The following RBFOX1 variants were observed in gnomAD, a reference collection of about 807,000 sequenced individuals.
RBFOX1 encodes the protein RNA binding protein fox-1 homolog 1.
In RBFOX1, 8 loss-of-function variants were observed where a neutral mutation model predicts 57.7. The ratio of observed to expected loss-of-function variants is 0.14; its 90% CI spans 0.08 to 0.25. The LOEUF (loss-of-function observed/expected upper bound fraction) is 0.25, where lower values mean the gene tolerates loss of function less well. Among genes scored for constraint, RBFOX1 ranks in the 10% least tolerant of loss-of-function variants. The pLI, the probability that RBFOX1 is intolerant of heterozygous loss-of-function variation, is 1.00. For synonymous variants in RBFOX1, 326 were observed against 222.4 expected, an observed-to-expected ratio of 1.47 and a Z score of -4.15; for missense variants, 611 against 548.5, an observed-to-expected ratio of 1.11 and a Z score of -1.14.
chr16:7,387,802 C>G (rs112058348), intron 4 of RBFOX1, among the ~76,000 whole-genome samples: 8 of 152,092 alleles, frequency 5.3e-5, no homozygotes, highest in African/African-American at 1.7e-4. Context: ...GAGAAAGCTC[C>G]GTACGTGTAG....
chr16:6,450,767 GTATATATATATATA>G (rs371495786), intron 2 of RBFOX1, among the ~76,000 whole-genome samples: 1 of 34,122 alleles, frequency 2.9e-5, no homozygotes, highest in African/African-American at 1.3e-4. Flanking sequence ...ATATATATGT[GTATATATATATATA>G]TATATATACA....
intron 1 of RBFOX1, among the ~76,000 whole-genome samples, chr16:6,126,219 G>A (rs1038859441): frequency 2.0e-5 from 3 of 152,166 alleles, no homozygotes; most frequent in African/African-American, 7.2e-5. Context: ...ACAAACTAGA[G>A]CAACTTCATT....
intron 2 of RBFOX1, among the ~76,000 whole-genome samples, chr16:6,537,260 G>C (rs974944380): frequency 6.6e-6 from 1 of 152,096 alleles, no homozygotes; most frequent in African/African-American, 2.4e-5. Flanking sequence ...TCGTGCACCA[G>C]AATATGAACA....
intron 4 of RBFOX1, among the ~76,000 whole-genome samples, chr16:7,247,374 C>A (rs2094344658): frequency 6.6e-6 from 1 of 152,110 alleles, no homozygotes; most frequent in African/African-American, 2.4e-5. Flanking sequence ...GTACACTCTG[C>A]CCATGGAGGT....
At chr16:6,494,333 CTGAGGTTCCATTT>C (rs1460999528) in intron 2 of RBFOX1, among the ~76,000 whole-genome samples, 1 of 152,194 alleles carries the variant, frequency 6.6e-6, no homozygotes, top group African/African-American at 2.4e-5. Context: ...CAGTTCCATC[CTGAGGTTCCATTT>C]GTATAACCAC....
chr16:5,681,296 G>C (rs1252175621), intron 3 of RBFOX1, among the ~76,000 whole-genome samples: 1 of 150,360 alleles, frequency 6.7e-6, no homozygotes, highest in African/African-American at 2.5e-5. Flanking sequence ...ATGTTAGCCA[G>C]GATGGTCTCG....
At chr16:7,362,816 T>A (rs1246365904) in intron 4 of RBFOX1, among the ~76,000 whole-genome samples, 2 of 152,132 alleles carry the variant, frequency 1.3e-5, no homozygotes, top group Non-Finnish European at 2.9e-5. Context: ...GCCAGAGAAG[T>A]GGCTTATCAG....
chr16:6,759,505 GT>G (rs2076300153), intron 3 of RBFOX1, among the ~76,000 whole-genome samples: 1 of 149,726 alleles, frequency 6.7e-6, no homozygotes, highest in Admixed American at 6.6e-5. Flanking sequence ...GTGTGTGTGT[GT>G]GTGTGTGTGT....
At chr16:6,945,259 T>C (rs929742729) in intron 3 of RBFOX1, among the ~76,000 whole-genome samples, 1 of 152,138 alleles carries the variant, frequency 6.6e-6, no homozygotes, top group Admixed American at 6.5e-5. Flanking sequence ...GGGCAAGTCA[T>C]GTGACCTCTG....
chr16:7,391,599 G>A (rs1427498666), intron 4 of RBFOX1, among the ~76,000 whole-genome samples: 1 of 152,082 alleles, frequency 6.6e-6, no homozygotes, highest in African/African-American at 2.4e-5. Flanking sequence ...TATAACTTCA[G>A]TACCTTCATT....
chr16:5,818,513 C>A (rs2055726817), intron 3 of RBFOX1, among the ~76,000 whole-genome samples: 1 of 152,170 alleles, frequency 6.6e-6, no homozygotes, highest in Non-Finnish European at 1.5e-5. Flanking sequence ...CTAGGCTCAC[C>A]TTCTGAAATC....
chr16:6,177,125 G>A (rs1467444686), intron 1 of RBFOX1, among the ~76,000 whole-genome samples: 2 of 151,242 alleles, frequency 1.3e-5, no homozygotes, highest in Non-Finnish European at 2.9e-5. Flanking sequence ...CGGTGATTTT[G>A]CCAAGTGTGG....
At chr16:6,655,650 C>T (rs924523662) in intron 3 of RBFOX1, among the ~76,000 whole-genome samples, 1 of 152,154 alleles carries the variant, frequency 6.6e-6, no homozygotes, top group Non-Finnish European at 1.5e-5. Context: ...TGCAGCAAAG[C>T]ACATCCAAGA....
At chr16:6,796,787 T>C (rs1290191734) in intron 3 of RBFOX1, among the ~76,000 whole-genome samples, 1 of 152,220 alleles carries the variant, frequency 6.6e-6, no homozygotes, top group Non-Finnish European at 1.5e-5. Context: ...CAACTTCTTC[T>C]ATGTCCCTCA....
At chr16:6,671,984 T>A (rs116619425) in intron 3 of RBFOX1, among the ~76,000 whole-genome samples, 28 of 152,360 alleles carry the variant, frequency 1.8e-4, no homozygotes, top group African/African-American at 6.7e-4. Flanking sequence ...AACAGCTGAT[T>A]TTAAATGGCT....
At position 6,610,459 on chromosome 16, in the gene RBFOX1, C is replaced by G. The variant is rs182549973; in HGVS notation, c.-63-44144C>G. ...CCTCCCACTTCAGCCTCCAGAGTAG[C>G]TGGAATCACAGGTGCATGCCACCAC... On this transcript the variant is annotated intron_variant, in intron 2 of 15. Coordinates refer to ENST00000550418, the MANE Select transcript of RBFOX1 (RefSeq NM_018723.4). Among the ~76,000 whole-genome samples, 22 of 152,174 alleles carry G rather than the reference C, an allele frequency of 1.4e-4. 1 individual carries two copies. In the East Asian group the frequency reaches 3.5e-3, roughly 24 times the overall value.
At chr16:5,251,108 C>A (rs914828032) in intron 1 of RBFOX1, among the ~76,000 whole-genome samples, 2 of 146,084 alleles carry the variant, frequency 1.4e-5, no homozygotes, top group Non-Finnish European at 3.1e-5. Context: ...CCACTTGTCC[C>A]CGCAGACCCT....
intron 1 of RBFOX1, among the ~76,000 whole-genome samples, chr16:6,052,572 C>T (rs1375830489): frequency 6.6e-6 from 1 of 151,616 alleles, no homozygotes; most frequent in Non-Finnish European, 1.5e-5. Context: ...ATCACGAGGT[C>T]AGGAGATCGA....
chr16:5,930,982 A>T (rs1400114203), intron 4 of RBFOX1, among the ~76,000 whole-genome samples: 2 of 150,544 alleles, frequency 1.3e-5, no homozygotes, highest in African/African-American at 2.4e-5. Flanking sequence ...GCATGGATGG[A>T]TGCATGGATG....
Sources: gnomAD v4.1 joint callset for allele counts (sites outside exome capture counted in the v4.1 genomes callset) on GRCh38, gnomAD v4.1.1 for gene constraint, MANE v1.5 for transcripts, NCBI Gene and HGNC (gene_info 2026-07-23, HGNC 2026-07-21) for gene names.